PRR16: variants seen among roughly 807,000 people sequenced by gnomAD.
The protein encoded by PRR16 is protein Largen.
PRR16 carries 6 observed loss-of-function variants against 18.2 expected under a neutral mutation model. That is an observed-to-expected ratio of 0.33 (90% CI 0.18 to 0.65). PRR16 has a LOEUF of 0.65. Ranked by LOEUF, PRR16 falls within the 30% of genes least tolerant of loss-of-function variation. The pLI is 0.74. For synonymous variants in PRR16, 151 were observed against 147.8 expected (o/e 1.02, Z -0.16); for missense variants, 412 against 376.6 (o/e 1.09, Z -0.78).
At chr5:120,518,104 C>T (rs779194266) in intron 1 of PRR16, among the ~76,000 whole-genome samples, 1 of 152,112 alleles carries the variant, frequency 6.6e-6, no homozygotes, top group African/African-American at 2.4e-5. Flanking sequence ...GGACATGTGA[C>T]TTACCCTCTT....
chr5:120,724,648 G>C, the PRR16 span, among the ~76,000 whole-genome samples: 12 of 151,846 alleles, frequency 7.9e-5, no homozygotes, highest in Admixed American at 3.3e-4. Flanking sequence ...ACATTCTTCA[G>C]ACCTAAACTT....
the PRR16 span, among the ~76,000 whole-genome samples, chr5:120,750,219 T>G: frequency 6.6e-6 from 1 of 152,230 alleles, no homozygotes; most frequent in Non-Finnish European, 1.5e-5. Flanking sequence ...AGTCATTTGA[T>G]TTTTTTCAAA....
At chr5:120,520,513 A>C (rs1320920334) in intron 1 of PRR16, among the ~76,000 whole-genome samples, 1 of 152,238 alleles carries the variant, frequency 6.6e-6, no homozygotes, top group Non-Finnish European at 1.5e-5. Flanking sequence ...TCAGAACTTT[A>C]CTTTAAAAGA....
At chr5:120,791,279 A>G in the PRR16 span, among the ~76,000 whole-genome samples, 10 of 152,174 alleles carry the variant, frequency 6.6e-5, no homozygotes, top group South Asian at 2.1e-3. Flanking sequence ...TTGATATTTC[A>G]AGTATTTTTG....
chr5:120,704,760 A>T, the PRR16 span, among the ~76,000 whole-genome samples: 3 of 152,194 alleles, frequency 2.0e-5, no homozygotes, highest in African/African-American at 4.8e-5. Flanking sequence ...AGAATTAACA[A>T]TAATTAAATA....
chr5:120,687,946 C>T (rs1757166933), downstream of PRR16, among the ~76,000 whole-genome samples: 1 of 152,102 alleles, frequency 6.6e-6, no homozygotes, highest in African/African-American at 2.4e-5. Context: ...GTTTCTCTCC[C>T]CTAGAGTTAT....
At chr5:120,581,619 G>A (rs996289780) in intron 1 of PRR16, among the ~76,000 whole-genome samples, 49 of 151,840 alleles carry the variant, frequency 3.2e-4, no homozygotes, top group Admixed American at 2.4e-3. Context: ...CTAGTATGTC[G>A]ATTTGAGATC....
At chr5:120,512,257 G>A (rs748507213) in intron 1 of PRR16, among the ~76,000 whole-genome samples, 2 of 143,988 alleles carry the variant, frequency 1.4e-5, no homozygotes, top group Non-Finnish European at 3.0e-5. Flanking sequence ...ATTTTTCTGT[G>A]AGACATGACT....
intron 1 of PRR16, among the ~76,000 whole-genome samples, chr5:120,569,416 A>G (rs1197087345): frequency 6.6e-6 from 1 of 152,174 alleles, no homozygotes; most frequent in East Asian, 1.9e-4. Context: ...CTCAAAACAG[A>G]ATCTGTATAC....
At chr5:120,765,472 T>A in the PRR16 span, among the ~76,000 whole-genome samples, 1 of 151,984 alleles carries the variant, frequency 6.6e-6, no homozygotes, top group South Asian at 2.1e-4. Context: ...CTGGGGTAGT[T>A]TTTAGAGTTT....
At chr5:120,710,119 G>T in the PRR16 span, among the ~76,000 whole-genome samples, 3 of 151,776 alleles carry the variant, frequency 2.0e-5, no homozygotes, top group East Asian at 1.9e-4. Context: ...CCCTTTTTCC[G>T]TATCCTTGCC....
chr5:120,652,697 A>G (rs1235437448), intron 1 of PRR16, among the ~76,000 whole-genome samples: 1 of 152,020 alleles, frequency 6.6e-6, no homozygotes, highest in Non-Finnish European at 1.5e-5. Context: ...AGAAATTGAG[A>G]GAGCCTAAGG....
In PRR16 at chr5:120,526,005, C is replaced by A. The variant is rs1471214807; in HGVS notation, c.159+61360C>A. Among the ~76,000 whole-genome samples, 53 of 152,140 alleles carry A rather than the reference C, an allele frequency of 3.5e-4. 1 individual carries two copies. The highest frequency in any genetic ancestry group is 3.4e-3 in the Admixed American group (52 of 15,272). ...TCTGAAGAAAAAATTTGATTTAATT[C>A]ATTTTTGGCTGGGAAAGGGGCCGAG... On this transcript the variant is annotated intron_variant, in intron 1 of 1. Coordinates refer to ENST00000407149, the MANE Select transcript of PRR16 (RefSeq NM_001300783.2).
chr5:120,540,029 C>T (rs1456554605), intron 1 of PRR16, among the ~76,000 whole-genome samples: 2 of 152,128 alleles, frequency 1.3e-5, no homozygotes, highest in Non-Finnish European at 2.9e-5. Context: ...CTGGGTAGAG[C>T]TTGCCACGTT....
chr5:120,674,772 A>G (rs1048012950), intron 1 of PRR16, among the ~76,000 whole-genome samples: 1 of 151,744 alleles, frequency 6.6e-6, no homozygotes, highest in Non-Finnish European at 1.5e-5. Context: ...TGAAGCTCCA[A>G]TATTGATCTT....
At chr5:120,596,891 A>G (rs143057367) in intron 1 of PRR16, among the ~76,000 whole-genome samples, 1 of 151,806 alleles carries the variant, frequency 6.6e-6, no homozygotes, top group East Asian at 1.9e-4. Context: ...TTCTTTCTAG[A>G]ACTTCTGGTT....
At chr5:120,589,812 T>G (rs1360597310) in intron 1 of PRR16, among the ~76,000 whole-genome samples, 1 of 152,106 alleles carries the variant, frequency 6.6e-6, no homozygotes, top group Non-Finnish European at 1.5e-5. Context: ...GGGAATACAA[T>G]TCAAGATGAG....
At chr5:120,669,741 A>C (rs1351436575) in intron 1 of PRR16, among the ~76,000 whole-genome samples, 1 of 152,114 alleles carries the variant, frequency 6.6e-6, no homozygotes, top group African/African-American at 2.4e-5. Flanking sequence ...ACTCAGTAAA[A>C]GAGAAAGTCT....
rs778454634 is a variant in PRR16, at chr5:120,464,561, G to C, written c.75G>C (p.Lys25Asn). The change falls in exon 1 of 2, where the codon AAG becomes AAC. Residue 25 changes from lysine to asparagine, a missense_variant. By Grantham distance (94) the Lys-to-Asn change is moderately conservative. Transcript: ENST00000407149. ...AEGPPAASKT[K>N]VKEQIKIIVE... is the part of the protein sequence containing the mutation. The stretch of plus-strand genomic sequence containing the variant: ...GACCGCCGGCAGCCTCCAAAACCAA[G>C]GTGAAGGAACAGATCAAGATCATCG... The C allele has an allele frequency of 6.3e-7, 1 of 1,590,512 alleles. No individual in the cohort carries two copies. Among genetic ancestry groups the C allele is most frequent in the African/African-American group, 1.3e-5 (1 of 74,830 alleles).
Sources: gnomAD v4.1 joint callset for allele counts (sites outside exome capture counted in the v4.1 genomes callset) on GRCh38, gnomAD v4.1.1 for gene constraint, MANE v1.5 for transcripts, NCBI Gene and HGNC (gene_info 2026-07-23, HGNC 2026-07-21) for gene names.